GAL3ST4: variants seen among roughly 807,000 people sequenced by gnomAD.
GAL3ST4 encodes the protein galactose-3-O-sulfotransferase 4.
GAL3ST4 carries 30 observed loss-of-function variants against 31.6 expected under a neutral mutation model. The observed-to-expected ratio is 0.95, with a 90% CI of 0.71 to 1.29. The LOEUF is 1.29. Ranked by LOEUF, GAL3ST4 falls within the 50% of genes most tolerant of loss-of-function variation. The pLI, the probability that GAL3ST4 is intolerant of heterozygous loss-of-function variation, is 0.00. For synonymous variants in GAL3ST4, 248 were observed against 256.9 expected, an observed-to-expected ratio of 0.97 and a Z score of 0.33; for missense variants, 629 against 625.2, an observed-to-expected ratio of 1.01 and a Z score of -0.06.
At position 100,163,478 on chromosome 7, in the gene GAL3ST4, T is replaced by C. The variant is rs1301988843; in HGVS notation, c.430-2519A>G. The stretch of plus-strand genomic sequence containing the variant: ...TGAATAGCAGCCTGTGAACTCTCTT[T>C]TTTTTTTTTTTTTTTGAGGGGGAGG... On this transcript the variant is annotated intron_variant, in intron 3 of 3. Transcript: ENST00000360039. 5.4e-5 allele frequency among the ~76,000 whole-genome samples: 8 copies of C among 148,640 alleles called. No individual in the cohort carries two copies. In the South Asian group the frequency reaches 1.3e-3, roughly 23 times the overall value.
In GAL3ST4 at chr7:100,168,031, C is replaced by CACACACAG. The variant is rs1056620049; in HGVS notation, c.-189+514_-189+515insCTGTGTGT. ...ACACACACACACACACACACACACA[C>CACACACAG]AGAGAAACAGAGAGAGAGAGACAGA... On this transcript the variant is annotated intron_variant, in intron 1 of 3. Coordinates refer to ENST00000360039, the MANE Select transcript of GAL3ST4 (RefSeq NM_024637.5). The surrounding 1 kb of genome is among the most constrained non-coding windows in gnomAD (Gnocchi z 4.1). 2.8e-5 allele frequency: 4 copies of CACACACAG among 142,872 alleles called. No homozygotes were observed. Among genetic ancestry groups the CACACACAG allele is most frequent in the African/African-American group, 7.4e-5 (3 of 40,738 alleles). The allele number at this position is 142,872 out of a possible 1,614,324, so 8.9% of individuals were successfully genotyped here.
chr7:100,159,996 G>C lies in GAL3ST4; in HGVS notation c.1393C>G (p.Leu465Val). 6.2e-7 allele frequency: 1 copy of C among 1,614,080 alleles called. No homozygotes were observed. The highest frequency in any genetic ancestry group is 8.5e-7 in the Non-Finnish European group (1 of 1,179,996). ...GTAGGGGGGAACTGCTTGGCATCCA[G>C]CTTGTCCTTGTACTGGAGCTCAGGG... is the stretch of plus-strand genomic sequence containing the variant. ...ATPELQYKDK[L>V]DAKQFPPTVS... is the part of the protein sequence containing the mutation. Residue 465 changes from leucine to valine, a missense_variant, in exon 4 of 4, where the codon CTG (leucine) becomes GTG (valine). Coordinates refer to ENST00000360039, the MANE Select transcript of GAL3ST4 (RefSeq NM_024637.5).
In GAL3ST4 at chr7:100,159,938, A is replaced by G; in HGVS notation, c.1451T>C (p.Leu484Pro). The G allele has an allele frequency of 1.2e-6, 2 of 1,601,980 alleles. No individual in the cohort carries two copies. The highest frequency in any genetic ancestry group is 1.7e-6 in the Non-Finnish European group (2 of 1,173,418). The stretch of plus-strand genomic sequence containing the variant: ...TCTGTAGTCTGATGTTTATGGGGAG[A>G]GTGGCCTTGAAGTCTTGAGGGGCAG... ...VSLPLKTSRPLSP is the reference protein window; with the variant it reads ...VSLPLKTSRPPSP The change falls in exon 4 of 4, where the codon CTC (leucine) becomes CCC (proline). Residue 484 changes from leucine to proline, a missense_variant. By Grantham distance (98) the Leu-to-Pro change is moderately conservative (BLOSUM62 -3). Coordinates refer to ENST00000360039, the MANE Select transcript of GAL3ST4 (RefSeq NM_024637.5).
intron 2 of GAL3ST4, 57 bp downstream of exon 2, chr7:100,166,914 A>G: frequency 6.4e-7 from 1 of 1,572,832 alleles, no homozygotes; most frequent in South Asian, 1.2e-5. Flanking sequence ...CCCAGGTGGG[A>G]TGGGGAAGAG....
rs144215057 is a variant in GAL3ST4 at position 100,160,339 on chromosome 7, C to T, written c.1050G>A (p.Ala350=). The T allele has an allele frequency of 2.4e-5, 38 of 1,613,856 alleles. No individual in the cohort carries two copies. In the African/African-American group the frequency reaches 3.1e-4, roughly 13 times the overall value. ...CCCGTGCAGTCAGCTGCCGGTCCTC[C>T]GCAGTCAGTCCACTGTTGCTGACAG... The part of the protein sequence containing the change: ...LSTVSNSGLT[A]EDRQLTARAR... The change falls in exon 4 of 4, where the codon GCG becomes GCA. Residue 350 remains alanine (A), a synonymous_variant. Transcript: ENST00000360039.
At chr7:100,165,344 T>C (rs957539058) in intron 3 of GAL3ST4, among the ~76,000 whole-genome samples, 2 of 152,180 alleles carry the variant, frequency 1.3e-5, no homozygotes, top group Admixed American at 1.3e-4. Flanking sequence ...CTAATTTTTG[T>C]ATTTTTAGTA....
chr7:100,166,392 T>G, intron 3 of GAL3ST4, 110 bp downstream of exon 3: 3 of 1,187,304 alleles, frequency 2.5e-6, no homozygotes, highest in South Asian at 2.9e-5. Flanking sequence ...ATGTCCAACT[T>G]TAGGGTGAGA....
At chr7:100,162,894 GAAAA>G (rs895823852) in intron 3 of GAL3ST4, among the ~76,000 whole-genome samples, 3 of 150,758 alleles carry the variant, frequency 2.0e-5, no homozygotes, top group African/African-American at 4.9e-5. Flanking sequence ...AAAAGAAAAA[GAAAA>G]AAAAAGAAAG....
intron 3 of GAL3ST4, 41 bp downstream of exon 3, chr7:100,166,461 C>A: frequency 6.4e-7 from 1 of 1,567,164 alleles, no homozygotes; most frequent in African/African-American, 1.3e-5. Flanking sequence ...AGCCTGAGCC[C>A]ATCTGTTTCT....
At position 100,167,299 on chromosome 7, in the gene GAL3ST4, G is replaced by A. The variant is rs913254575; in HGVS notation, c.-188-16C>T. The A allele has an allele frequency of 1.5e-5, 19 of 1,308,408 alleles. No homozygotes were observed. The highest frequency in any genetic ancestry group is 2.7e-5 in the Admixed American group (1 of 37,218). The allele number at this position is 1,308,408 out of a possible 1,614,324, so 81.0% of individuals were successfully genotyped here. The stretch of plus-strand genomic sequence containing the variant: ...CTGTCAGCGTCTAGAAGGGAAATGA[G>A]GGGGGAAGAAGGGAAGTCTAAGGAG... On this transcript the variant is annotated splice_polypyrimidine_tract_variant and intron_variant, in intron 1 of 3. Coordinates refer to ENST00000360039, the MANE Select transcript of GAL3ST4 (RefSeq NM_024637.5).
Position 100,164,419 on chromosome 7 carries a change from T to A in GAL3ST4, c.429+2083A>T, listed in dbSNP as rs532774487. On this transcript the variant is annotated intron_variant, in intron 3 of 3. Transcript: ENST00000360039. Reference sequence around the variant, plus strand: ...GTGGCTGACACCTGGAATCCCAGCATTTTGGGAGGCTGAGGTGGGCGGATC... The same window carrying A: ...GTGGCTGACACCTGGAATCCCAGCAATTTGGGAGGCTGAGGTGGGCGGATC... 2.5e-3 allele frequency among the ~76,000 whole-genome samples: 377 copies of A among 152,132 alleles called. 2 individuals carry two copies. The highest frequency in any genetic ancestry group is 8.9e-3 in the African/African-American group (368 of 41,506).
In GAL3ST4 at chr7:100,166,565, C is replaced by T. The variant is rs765280825; in HGVS notation, c.366G>A (p.Gln122=). The change falls in exon 3 of 4, where the codon CAG becomes CAA. Residue 122 remains glutamine, a synonymous_variant. Transcript: ENST00000360039. ...QASRVKGYRP[Q]GGGTQLPFHI... ...GGAAGGGGAGCTGGGTGCCTCCACC[C>T]TGTGGGCGGTAGCCTTTTACCCTAG... The T allele has an allele frequency of 7.4e-6, 12 of 1,614,098 alleles. No homozygotes were observed. Among genetic ancestry groups the T allele is most frequent in the Non-Finnish European group, 2.5e-6 (3 of 1,180,038 alleles).
At position 100,160,631 on chromosome 7, in the gene GAL3ST4, GT is replaced by G. The variant is rs1284335216; in HGVS notation, c.757del (p.Thr253ProfsTer70). On this transcript the variant is annotated frameshift_variant, in exon 4 of 4. Coordinates refer to ENST00000360039, the MANE Select transcript of GAL3ST4 (RefSeq NM_024637.5). LOFTEE classifies it high-confidence loss of function. ...ATGGATGAGGGCATTGGGATTGAGG[GT>G]TTGGGCTCGAGGGCCAGCACCAGAA... ...LPSGAGPRAQ[T>X]LNPNALIHPV... 78 of 1,613,782 alleles carry G rather than the reference GT, an allele frequency of 4.8e-5. No homozygotes were observed. Among genetic ancestry groups the G allele is most frequent in the Non-Finnish European group, 6.5e-5 (77 of 1,180,052 alleles).
Position 100,166,699 on chromosome 7 carries a change from C to G in GAL3ST4, c.232G>C (p.Gly78Arg). The change falls in exon 3 of 4, where the codon GGG becomes CGG. Residue 78 changes from glycine (G) to arginine (R), a missense_variant. Coordinates refer to ENST00000360039, the MANE Select transcript of GAL3ST4 (RefSeq NM_024637.5). ...AGCAGGCTCAGCACAGAGCTGCTCC[C>G]GGATTTATGTGTCTTCAGGAACACC... ...RLVFLKTHKS[G>R]SSSVLSLLHR... The G allele has an allele frequency of 3.1e-6, 5 of 1,614,104 alleles. No individual in the cohort carries two copies. The highest frequency in any genetic ancestry group is 1.3e-5 in the African/African-American group (1 of 75,038).
Position 100,160,291 on chromosome 7 carries a change from G to A in GAL3ST4, c.1098C>T (p.Asp366=). 6.2e-7 allele frequency: 1 copy of A among 1,613,932 alleles called. No homozygotes were observed. The highest frequency in any genetic ancestry group is 8.5e-7 in the Non-Finnish European group (1 of 1,179,916). The change falls in exon 4 of 4, where the codon GAC becomes GAT. Residue 366 remains aspartate, a synonymous_variant. Coordinates refer to ENST00000360039, the MANE Select transcript of GAL3ST4 (RefSeq NM_024637.5). ...GGTTGAAGTGGACATAGAGAGCCCA[G>A]TCCAGGTTGTTCCAGGCTCGGGCCC... ...TARARAWNNL[D]WALYVHFNRS... is the part of the protein sequence containing the mutation.
In GAL3ST4 at chr7:100,160,373, C is replaced by T; in HGVS notation, c.1016G>A (p.Gly339Asp). 3 of 1,614,110 alleles carry T rather than the reference C, an allele frequency of 1.9e-6. No individual in the cohort carries two copies. The highest frequency in any genetic ancestry group is 2.5e-6 in the Non-Finnish European group (3 of 1,180,034). ...MHNAQAGHKQ[G>D]LSTVSNSGLT... is the part of the protein sequence containing the mutation. ...TCCACTGTTGCTGACAGTGCTGAGG[C>T]CCTGCTTATGTCCAGCCTGGGCATT... The change falls in exon 4 of 4, where the codon GGC (glycine) becomes GAC (aspartate). Residue 339 changes from glycine (G) to aspartate (D), a missense_variant. By Grantham distance (94) the Gly-to-Asp change is moderately conservative. Coordinates refer to ENST00000360039, the MANE Select transcript of GAL3ST4 (RefSeq NM_024637.5).
chr7:100,167,623 C>A (rs1033210076), intron 1 of GAL3ST4: 3 of 157,768 alleles, frequency 1.9e-5, no homozygotes, highest in Admixed American at 6.1e-5. Flanking sequence ...TGGTCGGGAA[C>A]CTGGTTTCCT....
intron 3 of GAL3ST4, among the ~76,000 whole-genome samples, chr7:100,165,982 A>G (rs1645934512): frequency 6.6e-6 from 1 of 152,034 alleles, no homozygotes; most frequent in African/African-American, 2.4e-5. Context: ...CCTGGGCAAC[A>G]TAGCAAGACC....
At position 100,160,083 on chromosome 7, in the gene GAL3ST4, C is replaced by T. The variant is rs753791724; in HGVS notation, c.1306G>A (p.Gly436Ser). Reference protein sequence around the residue: ...PFQFGSAKVLGYILRSGLSPQ... With the variant: ...PFQFGSAKVLSYILRSGLSPQ... ...CTCAATCCACTCCGAAGTATATAGC[C>T]CAAAACCTTAGCTGACCCAAACTGG... The change falls in exon 4 of 4, where the codon GGC becomes AGC. Residue 436 changes from glycine to serine, a missense_variant. Coordinates refer to ENST00000360039, the MANE Select transcript of GAL3ST4 (RefSeq NM_024637.5). 1.9e-6 allele frequency: 3 copies of T among 1,614,112 alleles called. No individual in the cohort carries two copies. Among genetic ancestry groups the T allele is most frequent in the Admixed American group, 3.3e-5 (2 of 60,002 alleles).
Sources: gnomAD v4.1 joint callset for allele counts (sites outside exome capture counted in the v4.1 genomes callset) on GRCh38, gnomAD v4.1.1 for gene constraint, Gnocchi (gnomAD v3.1) non-coding constraint, MANE v1.5 for transcripts, NCBI Gene and HGNC (gene_info 2026-07-23, HGNC 2026-07-21) for gene names.